INSL6: variants seen among roughly 807,000 people sequenced by gnomAD.
INSL6 encodes insulin-like peptide INSL6.
In INSL6, 16 loss-of-function variants were observed where a neutral mutation model predicts 9.4. The ratio of observed to expected loss-of-function variants is 1.70; its 90% CI spans 1.15 to 2.59. INSL6 has a LOEUF of 2.59. Among genes scored for constraint, INSL6 ranks in the 30% most tolerant of loss-of-function variants. INSL6 has a pLI of 0.00. For synonymous variants in INSL6, 154 were observed against 96.9 expected, an observed-to-expected ratio of 1.59 and a Z score of -3.46; for missense variants, 391 against 257.3, an observed-to-expected ratio of 1.52 and a Z score of -3.56.
At chr9:5,064,091 A>T in the INSL6 span, among the ~76,000 whole-genome samples, 1 of 152,246 alleles carries the variant, frequency 6.6e-6, no homozygotes, top group East Asian at 1.9e-4. Flanking sequence ...AGGAGGCAGA[A>T]GTTGCAGTGA....
chr9:4,997,038 C>T, the INSL6 span, among the ~76,000 whole-genome samples: 13 of 150,994 alleles, frequency 8.6e-5, no homozygotes, highest in Admixed American at 4.0e-4. Context: ...CAGTGATCCT[C>T]CTACCTCAGC....
chr9:5,005,468 A>T, the INSL6 span, among the ~76,000 whole-genome samples: 1 of 152,082 alleles, frequency 6.6e-6, no homozygotes, highest in African/African-American at 2.4e-5. Context: ...AATCTGGTAT[A>T]ATGATTGATT....
At chr9:5,077,710 G>T in the INSL6 span, 1 of 517,886 alleles carries the variant, frequency 1.9e-6, no homozygotes. Context: ...GTCTGTGTTA[G>T]GTGATAAAAA....
the INSL6 span, among the ~76,000 whole-genome samples, chr9:5,079,238 G>GA: frequency 6.6e-6 from 1 of 151,940 alleles, no homozygotes; most frequent in Non-Finnish European, 1.5e-5. Flanking sequence ...AGTGAAGATG[G>GA]AAAAAAATGT....
At chr9:5,050,750 G>A in the INSL6 span, 1 of 1,613,640 alleles carries the variant, frequency 6.2e-7, no homozygotes, top group Non-Finnish European at 8.5e-7. Flanking sequence ...CAGGAAGAAT[G>A]TCTTGGGATG....
chr9:5,122,528 G>C (rs138559330), downstream of INSL6, among the ~76,000 whole-genome samples: 25 of 152,142 alleles, frequency 1.6e-4, 1 homozygote, highest in East Asian at 4.8e-3. Context: ...TGTCTACAGA[G>C]ACAAAAATAA....
chr9:5,062,316 G>T, the INSL6 span, among the ~76,000 whole-genome samples: 1 of 151,784 alleles, frequency 6.6e-6, no homozygotes, highest in African/African-American at 2.4e-5. Context: ...AGGGACAACT[G>T]TACAATAGTT....
chr9:5,004,105 A>T, the INSL6 span, among the ~76,000 whole-genome samples: 2 of 152,176 alleles, frequency 1.3e-5, no homozygotes, highest in East Asian at 3.8e-4. Flanking sequence ...TCTAATTAAC[A>T]TATGTATCAC....
the INSL6 span, among the ~76,000 whole-genome samples, chr9:5,047,181 T>C: frequency 6.6e-6 from 1 of 152,248 alleles, no homozygotes; most frequent in South Asian, 2.1e-4. Context: ...ACTCTAAGAT[T>C]GTACTGTTAT....
the INSL6 span, among the ~76,000 whole-genome samples, chr9:5,028,546 A>C: frequency 6.6e-6 from 1 of 152,216 alleles, no homozygotes; most frequent in African/African-American, 2.4e-5. Context: ...TTTGAAGGCA[A>C]GCACTGACTT....
At chr9:5,065,400 A>G in the INSL6 span, among the ~76,000 whole-genome samples, 1 of 152,194 alleles carries the variant, frequency 6.6e-6, no homozygotes, top group Admixed American at 6.5e-5. Flanking sequence ...TTATGTTTGG[A>G]TAGTCCATCT....
chr9:4,994,218 A>G, the INSL6 span, among the ~76,000 whole-genome samples: 1 of 152,220 alleles, frequency 6.6e-6, no homozygotes. Context: ...GAACTTCCTT[A>G]TCTCAATTAG....
the INSL6 span, among the ~76,000 whole-genome samples, chr9:5,038,875 ACAC>A: frequency 6.6e-6 from 1 of 152,106 alleles, no homozygotes. Flanking sequence ...TCAATGTAAT[ACAC>A]CACATTAATA....
chr9:5,158,803 G>A (rs1449468909), intron 2 of INSL6, among the ~76,000 whole-genome samples: 1 of 151,928 alleles, frequency 6.6e-6, no homozygotes, highest in Middle Eastern at 3.2e-3. Context: ...GAAATCATCT[G>A]AACATACAAC....
At chr9:5,042,560 C>G in the INSL6 span, among the ~76,000 whole-genome samples, 8 of 152,062 alleles carry the variant, frequency 5.3e-5, no homozygotes, top group Non-Finnish European at 1.2e-4. Flanking sequence ...CATTACTTTG[C>G]TGAAGTGAGT....
intron 2 of INSL6, among the ~76,000 whole-genome samples, chr9:5,145,731 C>A (rs888993086): frequency 6.6e-6 from 1 of 152,134 alleles, no homozygotes; most frequent in African/African-American, 2.4e-5. Flanking sequence ...GAGGTTCTTT[C>A]CTCTGTTTGG....
chr9:5,039,101 T>C, the INSL6 span, among the ~76,000 whole-genome samples: 7 of 152,122 alleles, frequency 4.6e-5, no homozygotes, highest in Admixed American at 3.3e-4. Flanking sequence ...AGGAATGAGA[T>C]GAGGATAGCT....
the INSL6 span, chr9:5,090,903 C>G: frequency 6.3e-7 from 1 of 1,599,652 alleles, no homozygotes. Flanking sequence ...GTGAAAGTCC[C>G]ATATTCTGGT....
chr9:4,995,209 T>C, the INSL6 span, among the ~76,000 whole-genome samples: 3 of 152,216 alleles, frequency 2.0e-5, no homozygotes, highest in African/African-American at 4.8e-5. Context: ...TTGGCCCACT[T>C]TCTATTGGAT....
Sources: gnomAD v4.1 joint callset for allele counts (sites outside exome capture counted in the v4.1 genomes callset) on GRCh38, gnomAD v4.1.1 for gene constraint, MANE v1.5 for transcripts, NCBI Gene and HGNC (gene_info 2026-07-23, HGNC 2026-07-21) for gene names.